COMMD10: variants seen among roughly 807,000 people sequenced by gnomAD.
The protein encoded by COMMD10 is COMM domain containing 10.
Under a neutral mutation model 28.9 loss-of-function variants are expected in COMMD10, and 33 were observed. The observed-to-expected ratio is 1.14, with a 90% confidence interval of 0.87 to 1.53. COMMD10 has a LOEUF of 1.53. Ranked by LOEUF, COMMD10 falls within the 40% of genes most tolerant of loss-of-function variation. The pLI is 0.00. For missense variants in COMMD10, 310 were observed against 233.4 expected (o/e 1.33, Z -2.14); for synonymous variants, 110 against 81.7 (o/e 1.35, Z -1.87).
At chr5:116,111,874 G>T (rs180933685) in intron 4 of COMMD10, among the ~76,000 whole-genome samples, 2 of 152,214 alleles carry the variant, frequency 1.3e-5, no homozygotes, top group African/African-American at 4.8e-5. Flanking sequence ...AGATGGTGAC[G>T]TCCCCTATTA....
At chr5:116,151,339 G>T (rs1580493352) in intron 5 of COMMD10, among the ~76,000 whole-genome samples, 3 of 151,976 alleles carry the variant, frequency 2.0e-5, no homozygotes, top group African/African-American at 7.2e-5. Context: ...TTGTGTCTCT[G>T]CCCAGCTTTG....
intron 5 of COMMD10, among the ~76,000 whole-genome samples, chr5:116,208,317 C>G (rs72804886): frequency 6.6e-6 from 1 of 151,852 alleles, no homozygotes; most frequent in Non-Finnish European, 1.5e-5. Flanking sequence ...TTTGGAATAC[C>G]CTCTGTTCAC....
At chr5:116,281,910 T>G (rs1430072891) in intron 5 of COMMD10, among the ~76,000 whole-genome samples, 1 of 151,904 alleles carries the variant, frequency 6.6e-6, no homozygotes, top group Non-Finnish European at 1.5e-5. Context: ...ACTACTACTT[T>G]TTTTTGGTCC....
intron 5 of COMMD10, among the ~76,000 whole-genome samples, chr5:116,202,466 C>A (rs932134394): frequency 6.6e-6 from 1 of 152,018 alleles, no homozygotes; most frequent in Non-Finnish European, 1.5e-5. Context: ...GCCACACAGA[C>A]TTCCACAATG....
At chr5:116,165,671 C>T (rs1393014978) in intron 5 of COMMD10, among the ~76,000 whole-genome samples, 2 of 151,858 alleles carry the variant, frequency 1.3e-5, no homozygotes, top group African/African-American at 4.8e-5. Flanking sequence ...AGAGAGTGAG[C>T]TCTCTGGTGT....
At chr5:116,185,304 T>C (rs892912886) in intron 5 of COMMD10, among the ~76,000 whole-genome samples, 3 of 152,104 alleles carry the variant, frequency 2.0e-5, no homozygotes, top group African/African-American at 7.2e-5. Context: ...TATAAATATG[T>C]GGGAAGGACA....
chr5:116,181,580 AGGAAGTCT>A (rs1747964656), intron 5 of COMMD10, among the ~76,000 whole-genome samples: 1 of 151,850 alleles, frequency 6.6e-6, no homozygotes, highest in South Asian at 2.1e-4. Context: ...AAATAATAAT[AGGAAGTCT>A]GTTTTGTCGA....
chr5:116,124,088 A>T (rs995672770), intron 4 of COMMD10, among the ~76,000 whole-genome samples: 1 of 151,716 alleles, frequency 6.6e-6, no homozygotes, highest in African/African-American at 2.4e-5. Flanking sequence ...CTCTGATCTT[A>T]GTTATTTCTT....
intron 5 of COMMD10, among the ~76,000 whole-genome samples, chr5:116,180,795 C>T (rs59860222): frequency 0.028 from 4,289 of 151,986 alleles, 186 homozygotes; most frequent in African/African-American, 0.094. Flanking sequence ...CAGCTATTGA[C>T]GACATTTTAA....
In COMMD10 at chr5:116,125,100, T is replaced by C. The variant is rs1580466169; in HGVS notation, c.400-8968T>C. On this transcript the variant is annotated intron_variant, in intron 4 of 6. Transcript: ENST00000274458. ...TGTGAATTTGATCCTGTCGTTATGATGTTACCTGGTTATTTTCCTCGTTAG... is the reference window on the plus strand; with the variant it reads ...TGTGAATTTGATCCTGTCGTTATGACGTTACCTGGTTATTTTCCTCGTTAG... Among the ~76,000 whole-genome samples the C allele has an allele frequency of 2.0e-5, 3 of 152,278 alleles. No homozygotes were observed. The South Asian group carries it at 6.2e-4, about 32-fold the overall frequency.
intron 5 of COMMD10, among the ~76,000 whole-genome samples, chr5:116,175,169 C>G (rs1753462243): frequency 1.3e-5 from 2 of 151,774 alleles, no homozygotes; most frequent in African/African-American, 4.8e-5. Flanking sequence ...TTTTATTTGT[C>G]TCAGTTGTAT....
chr5:116,224,941 T>C (rs1749353847), intron 5 of COMMD10, among the ~76,000 whole-genome samples: 1 of 152,242 alleles, frequency 6.6e-6, no homozygotes, highest in South Asian at 2.1e-4. Context: ...TTCTTTTACA[T>C]TTAAATAAAA....
intron 5 of COMMD10, among the ~76,000 whole-genome samples, chr5:116,184,585 C>G (rs1193256678): frequency 2.0e-5 from 3 of 151,994 alleles, no homozygotes; most frequent in Non-Finnish European, 4.4e-5. Context: ...ATATAATGAA[C>G]ACCAAACCTA....
At chr5:116,236,891 TA>T (rs1317077571) in intron 5 of COMMD10, among the ~76,000 whole-genome samples, 1 of 152,066 alleles carries the variant, frequency 6.6e-6, no homozygotes, top group East Asian at 1.9e-4. Flanking sequence ...CTGATAATAG[TA>T]GGGGTTATAT....
chr5:116,254,214 G>T (rs1179803828), intron 5 of COMMD10, among the ~76,000 whole-genome samples: 2 of 151,904 alleles, frequency 1.3e-5, no homozygotes, highest in South Asian at 2.1e-4. Flanking sequence ...CTTGCTAGCG[G>T]TCTATCAATT....
chr5:116,135,972 C>T (rs1752014112), intron 5 of COMMD10, among the ~76,000 whole-genome samples: 1 of 152,062 alleles, frequency 6.6e-6, no homozygotes, highest in Non-Finnish European at 1.5e-5. Flanking sequence ...AGACTAAATA[C>T]CTAGTATATG....
At chr5:116,225,111 C>G (rs925232348) in intron 5 of COMMD10, among the ~76,000 whole-genome samples, 1 of 151,928 alleles carries the variant, frequency 6.6e-6, no homozygotes, top group African/African-American at 2.4e-5. Flanking sequence ...TTTTATTTCA[C>G]TTATTATACT....
At chr5:116,088,639 A>C (rs1186709719) in intron 2 of COMMD10, among the ~76,000 whole-genome samples, 1 of 152,108 alleles carries the variant, frequency 6.6e-6, no homozygotes, top group South Asian at 2.1e-4. Flanking sequence ...ATTTACTACA[A>C]CTTGCCATGA....
chr5:116,271,185 TTTTG>T (rs1211416922), intron 5 of COMMD10, among the ~76,000 whole-genome samples: 41 of 145,582 alleles, frequency 2.8e-4, no homozygotes, highest in Non-Finnish European at 5.6e-4. Context: ...TCTGTACAGG[TTTTG>T]TTTATGTCAG....
Sources: allele counts gnomAD v4.1 joint callset (sites outside exome capture counted in the v4.1 genomes callset), GRCh38; gene constraint gnomAD v4.1.1; transcripts MANE v1.5; gene names NCBI Gene and HGNC (gene_info 2026-07-23, HGNC 2026-07-21).